SNX14: variants seen among roughly 807,000 people sequenced by gnomAD.
The protein encoded by SNX14 is sorting nexin 14.
In SNX14, 93 loss-of-function variants were observed where a neutral mutation model predicts 133.8. The observed-to-expected ratio is 0.70, with a 90% CI of 0.59 to 0.83. The LOEUF is 0.83. Among genes scored for constraint, SNX14 ranks in the 40% least tolerant of loss-of-function variants. The pLI, the probability that SNX14 is intolerant of heterozygous loss-of-function variation, is 0.00. For synonymous variants in SNX14, 368 were observed against 365.6 expected, an observed-to-expected ratio of 1.01 and a Z score of -0.07; for missense variants, 945 against 1,094.9, an observed-to-expected ratio of 0.86 and a Z score of 1.93.
chr6:85,572,043 T>C, intron 4 of SNX14, 94 bp downstream of exon 4: 1 of 998,702 alleles, frequency 1.0e-6, no homozygotes, highest in Non-Finnish European at 1.5e-6. Flanking sequence ...TGTATTAAGA[T>C]GCTCCATGAT....
Position 85,540,338 on chromosome 6 carries a change from C to A in SNX14, c.1449-1474G>T, listed in dbSNP as rs188579099. 7.2e-4 allele frequency among the ~76,000 whole-genome samples: 109 copies of A among 152,284 alleles called. No homozygotes were observed. In the East Asian group the frequency reaches 0.018, roughly 25 times the overall value. ...CCTAGAAAAGGGCATGTCATTAGCT[C>A]CACGTCCTGGTATGAAACTCCAAAC... On this transcript the variant is annotated intron_variant, in intron 15 of 28. Coordinates refer to ENST00000314673, the MANE Select transcript of SNX14 (RefSeq NM_153816.6).
At chr6:85,580,005 A>G (rs1369150361) in intron 1 of SNX14, among the ~76,000 whole-genome samples, 1 of 152,162 alleles carries the variant, frequency 6.6e-6, no homozygotes, top group Non-Finnish European at 1.5e-5. Flanking sequence ...TTTGTTTACC[A>G]AGGCAGCTAA....
At chr6:85,546,550 T>C (rs1236825627) in intron 12 of SNX14, among the ~76,000 whole-genome samples, 1 of 152,202 alleles carries the variant, frequency 6.6e-6, no homozygotes, top group East Asian at 1.9e-4. Flanking sequence ...ATTTTCATTA[T>C]ACTGTACTTT....
rs1390912948 is a variant in SNX14 at position 85,593,639 on chromosome 6, T to C, written c.80A>G (p.Gln27Arg). 4 of 1,612,842 alleles carry C rather than the reference T, an allele frequency of 2.5e-6. No homozygotes were observed. The highest frequency in any genetic ancestry group is 2.2e-5 in the East Asian group (1 of 44,864). ...RLDVGREICR[Q>R]YPLFCFLLLC... ...CAGCAGGAAGCAGAACAGCGGGTAC[T>C]GGCGGCAGATCTCGCGTCCCACGTC... The change falls in exon 1 of 29, where the codon CAG becomes CGG. Residue 27 changes from glutamine (Q) to arginine (R), a missense_variant. Gln to Arg is a conservative substitution (Grantham distance 43). Transcript: ENST00000314673.
intron 1 of SNX14, 130 bp from the exon 2 acceptor site, chr6:85,574,508 T>C (rs991473539): frequency 1.7e-6 from 1 of 580,404 alleles, no homozygotes; most frequent in Non-Finnish European, 2.9e-6. Context: ...CAAATTATGA[T>C]TAATTTTTTG....
At chr6:85,590,385 G>A (rs1313068624) in intron 1 of SNX14, among the ~76,000 whole-genome samples, 2 of 152,152 alleles carry the variant, frequency 1.3e-5, no homozygotes, top group Non-Finnish European at 2.9e-5. Context: ...AGCATTAAAA[G>A]CTTGTTCAGG....
chr6:85,535,030 T>TC (rs1490897897), intron 17 of SNX14, among the ~76,000 whole-genome samples: 1 of 44,580 alleles, frequency 2.2e-5, no homozygotes, highest in African/African-American at 4.8e-5. Context: ...TATCCATACT[T>TC]TTTTTTTTTT....
chr6:85,587,258 G>T (rs1373813931), intron 1 of SNX14, among the ~76,000 whole-genome samples: 1 of 151,984 alleles, frequency 6.6e-6, no homozygotes, highest in African/African-American at 2.4e-5. Flanking sequence ...TGAGTAATGG[G>T]TGCTTGCAAG....
intron 1 of SNX14, among the ~76,000 whole-genome samples, chr6:85,581,028 G>A (rs1414069312): frequency 6.6e-6 from 1 of 152,044 alleles, no homozygotes; most frequent in Non-Finnish European, 1.5e-5. Flanking sequence ...AGTGGGCCTT[G>A]GATGAGACCC....
chr6:85,525,117 C>T (rs17440806), intron 21 of SNX14, among the ~76,000 whole-genome samples: 25,546 of 152,080 alleles, frequency 0.17, 2,530 homozygotes, highest in Non-Finnish European at 0.22. Flanking sequence ...AAAACACTTT[C>T]TGAAACATGA....
At chr6:85,546,827 G>A (rs1461751572) in intron 12 of SNX14, among the ~76,000 whole-genome samples, 1 of 152,054 alleles carries the variant, frequency 6.6e-6, no homozygotes, top group Non-Finnish European at 1.5e-5. Flanking sequence ...CTGGGGTGCT[G>A]GCACATGCCT....
intron 6 of SNX14, among the ~76,000 whole-genome samples, 197 bp downstream of exon 6, chr6:85,565,135 C>T (rs904972086): frequency 2.0e-5 from 3 of 151,902 alleles, no homozygotes; most frequent in Non-Finnish European, 1.5e-5. Flanking sequence ...TTGTTTGTAA[C>T]ACAAATGATA....
chr6:85,544,036 T>C (rs1784718181), intron 12 of SNX14, among the ~76,000 whole-genome samples: 1 of 152,140 alleles, frequency 6.6e-6, no homozygotes, highest in African/African-American at 2.4e-5. Context: ...CTTCTAATAG[T>C]TTCCTTAAAG....
chr6:85,516,630 A>ACCTTT (rs1330740524), intron 23 of SNX14, among the ~76,000 whole-genome samples: 1 of 146,240 alleles, frequency 6.8e-6, no homozygotes, highest in African/African-American at 2.7e-5. Context: ...AACTTCCTTA[A>ACCTTT]TCTTTTTTTT....
intron 6 of SNX14, among the ~76,000 whole-genome samples, chr6:85,563,855 T>C (rs941063972): frequency 2.0e-5 from 3 of 152,102 alleles, no homozygotes; most frequent in African/African-American, 7.2e-5. Flanking sequence ...ATGTGCCATG[T>C]TGGTGTGCTG....
intron 6 of SNX14, among the ~76,000 whole-genome samples, chr6:85,564,526 A>G (rs535269555): frequency 3.9e-5 from 6 of 152,300 alleles, no homozygotes; most frequent in African/African-American, 1.4e-4. Flanking sequence ...TGGCCAGAAC[A>G]TGACTTTTTT....
intron 7 of SNX14, among the ~76,000 whole-genome samples, chr6:85,553,841 A>G (rs62443334): frequency 0.017 from 2,645 of 152,214 alleles, 36 homozygotes; most frequent in Non-Finnish European, 0.028. Context: ...GAAAAGTCAT[A>G]ATGTAATATA....
rs777919915 is a variant in SNX14 at position 85,514,636 on chromosome 6, TA to T, written c.2269-8del. 8.7e-6 allele frequency: 14 copies of T among 1,607,744 alleles called. No homozygotes were observed. In the Admixed American group the frequency reaches 1.3e-4, roughly 15 times the overall value. ...TAAACAGATCATTGAAAAGCTAAAA[TA>T]AAAGTTGGAATAATAAAGAGATATA... On this transcript the variant is annotated splice_polypyrimidine_tract_variant and splice_region_variant and intron_variant, in intron 23 of 28. Coordinates refer to ENST00000314673, the MANE Select transcript of SNX14 (RefSeq NM_153816.6).
chr6:85,566,343 C>T (rs567278304), intron 5 of SNX14, among the ~76,000 whole-genome samples: 5 of 151,468 alleles, frequency 3.3e-5, no homozygotes, highest in Non-Finnish European at 4.4e-5. Context: ...GGCATAGAAA[C>T]GATATTAAAT....
Sources: gnomAD v4.1 joint callset for allele counts (sites outside exome capture counted in the v4.1 genomes callset) on GRCh38, gnomAD v4.1.1 for gene constraint, MANE v1.5 for transcripts, NCBI Gene and HGNC (gene_info 2026-07-23, HGNC 2026-07-21) for gene names.